Variants in CFAP263 observed in about 807,000 individuals in gnomAD.
CFAP263 encodes the protein cilia and flagella associated protein 263.
At chr16:58,262,759 A>ATAGG in the CFAP263 span, among the ~76,000 whole-genome samples, 358 of 145,386 alleles carry the variant, frequency 2.5e-3, 2 homozygotes, top group Middle Eastern at 3.5e-3. Context: ...TAGATAGATG[A>ATAGG]TAGGTAGATA....
At chr16:58,269,941 G>T in the CFAP263 span, among the ~76,000 whole-genome samples, 1 of 152,136 alleles carries the variant, frequency 6.6e-6, no homozygotes, top group Non-Finnish European at 1.5e-5. Context: ...GAAAGTGGCT[G>T]CCCCATTTTG....
chr16:58,267,740 A>C, the CFAP263 span, among the ~76,000 whole-genome samples: 2 of 152,078 alleles, frequency 1.3e-5, no homozygotes, highest in African/African-American at 4.8e-5. Context: ...ATCAAAGCAC[A>C]AAGTGGCACC....
chr16:58,259,006 T>G, the CFAP263 span, among the ~76,000 whole-genome samples: 5 of 151,226 alleles, frequency 3.3e-5, no homozygotes, highest in African/African-American at 1.2e-4. Flanking sequence ...AATAAATAAA[T>G]AAATAAATAA....
chr16:58,253,184 C>T, the CFAP263 span, among the ~76,000 whole-genome samples: 1 of 152,022 alleles, frequency 6.6e-6, no homozygotes, highest in Non-Finnish European at 1.5e-5. Flanking sequence ...TCGAGACCTT[C>T]CTGGGCAATA....
the CFAP263 span, among the ~76,000 whole-genome samples, chr16:58,254,738 G>A: frequency 6.6e-6 from 1 of 151,902 alleles, no homozygotes; most frequent in African/African-American, 2.4e-5. Flanking sequence ...CCTAGTAGCT[G>A]GTACTGCAGG....
chr16:58,251,381 G>GTTTGT, the CFAP263 span, among the ~76,000 whole-genome samples: 15 of 152,078 alleles, frequency 9.9e-5, no homozygotes, highest in African/African-American at 2.7e-4. Context: ...TTTTCCACTA[G>GTTTGT]TTTGTTTTGT....
chr16:58,272,192 A>G, the CFAP263 span, among the ~76,000 whole-genome samples: 1 of 151,546 alleles, frequency 6.6e-6, no homozygotes, highest in African/African-American at 2.4e-5. Flanking sequence ...ATTTTTTTGT[A>G]TTTTTAGTAG....
At chr16:58,258,915 T>C in the CFAP263 span, among the ~76,000 whole-genome samples, 2 of 151,746 alleles carry the variant, frequency 1.3e-5, no homozygotes, top group Non-Finnish European at 2.9e-5. Context: ...GAGGCGGAGA[T>C]TGCGGTGAGC....
At chr16:58,282,437 G>C in the CFAP263 span, 1 of 152,370 alleles carries the variant, frequency 6.6e-6, no homozygotes, top group East Asian at 1.9e-4. Flanking sequence ...TGCCCAGTGG[G>C]GTATTCTCTT....
chr16:58,263,839 C>A, the CFAP263 span, among the ~76,000 whole-genome samples: 12,983 of 152,172 alleles, frequency 0.085, 748 homozygotes, highest in East Asian at 0.13. Context: ...ATTATCTGGG[C>A]GTGGTGGTGC....
At chr16:58,280,269 G>T in the CFAP263 span, 1 of 1,613,772 alleles carries the variant, frequency 6.2e-7, no homozygotes, top group Non-Finnish European at 8.5e-7. Flanking sequence ...AAACCAAGAT[G>T]ATTTCTTCGG....
chr16:58,262,382 T>C, the CFAP263 span: 20 of 1,601,506 alleles, frequency 1.2e-5, no homozygotes, highest in South Asian at 9.9e-5. Context: ...TTCTGAGCTG[T>C]AGAAGGAAGA....
At chr16:58,280,934 G>T in the CFAP263 span, 1 of 596,748 alleles carries the variant, frequency 1.7e-6, no homozygotes, top group Non-Finnish European at 2.9e-6. Context: ...ATTCCAACAA[G>T]ATGACTTTTC....
the CFAP263 span, chr16:58,258,394 ATGGAG>A: frequency 2.1e-5 from 34 of 1,613,898 alleles, no homozygotes; most frequent in Admixed American, 3.3e-5. Context: ...CTGAAATTCG[ATGGAG>A]TGAAGTTTCG....
At chr16:58,261,797 A>C in the CFAP263 span, among the ~76,000 whole-genome samples, 1 of 152,220 alleles carries the variant, frequency 6.6e-6, no homozygotes, top group African/African-American at 2.4e-5. Flanking sequence ...TCTACCACAG[A>C]TATAAAATGG....
the CFAP263 span, among the ~76,000 whole-genome samples, chr16:58,261,416 G>A: frequency 1.0e-3 from 156 of 152,338 alleles, 1 homozygote; most frequent in African/African-American, 3.6e-3. Context: ...TGGAGATGGG[G>A]AGTAGATGGA....
the CFAP263 span, among the ~76,000 whole-genome samples, chr16:58,263,423 T>A: frequency 1.3e-5 from 2 of 152,204 alleles, no homozygotes; most frequent in Admixed American, 6.5e-5. Flanking sequence ...TTTTTTTCTC[T>A]TGTTAATATA....
the CFAP263 span, chr16:58,250,009 A>C: frequency 6.3e-7 from 1 of 1,576,672 alleles, no homozygotes; most frequent in Non-Finnish European, 8.6e-7. Flanking sequence ...CCGCTTCGGC[A>C]GAGTGATGAC....
the CFAP263 span, chr16:58,259,878 T>G: frequency 1.3e-6 from 2 of 1,599,356 alleles, no homozygotes; most frequent in Non-Finnish European, 1.7e-6. Context: ...GAAATTACGT[T>G]TGAAAAATGT....
Sources: allele counts gnomAD v4.1 joint callset (sites outside exome capture counted in the v4.1 genomes callset), GRCh38; gene constraint gnomAD v4.1.1; transcripts MANE v1.5; gene names NCBI Gene and HGNC (gene_info 2026-07-23, HGNC 2026-07-21).